The following MARCHF11 variants were observed in gnomAD, a reference collection of about 807,000 sequenced individuals.
The protein encoded by MARCHF11 is membrane associated ring-CH-type finger 11, also known as E3 ubiquitin-protein ligase MARCHF11.
In MARCHF11, 29 loss-of-function variants were observed where a neutral mutation model predicts 37.3. That is an observed-to-expected ratio of 0.78 (90% CI 0.58 to 1.06). The LOEUF is 1.06. MARCHF11 is among the 50% of genes least tolerant of loss of function. The probability of loss-of-function intolerance (pLI) is 0.00; values close to 1 mark genes in which losing one functional copy is unlikely to be tolerated. For missense variants in MARCHF11, 482 were observed against 533.4 expected (o/e 0.90, Z 0.95); for synonymous variants, 233 against 228.0 (o/e 1.02, Z -0.20).
chr5:16,095,238 C>T (rs543885307), intron 2 of MARCHF11, among the ~76,000 whole-genome samples: 1 of 152,282 alleles, frequency 6.6e-6, no homozygotes, highest in South Asian at 2.1e-4. Context: ...GTGAGTCATT[C>T]CCTGCTCCTC....
intron 2 of MARCHF11, among the ~76,000 whole-genome samples, chr5:16,112,709 G>T (rs1737167338): frequency 6.6e-6 from 1 of 152,150 alleles, no homozygotes; most frequent in African/African-American, 2.4e-5. Context: ...CATGAGATTT[G>T]GGAGTGGGCA....
At chr5:16,069,908 T>C (rs553990662) in intron 3 of MARCHF11, among the ~76,000 whole-genome samples, 1 of 152,296 alleles carries the variant, frequency 6.6e-6, no homozygotes, top group African/African-American at 2.4e-5. Flanking sequence ...AAGTTTTGCA[T>C]TGGTCCCTTA....
At position 16,173,970 on chromosome 5, in the gene MARCHF11, T is replaced by C. The variant is rs143986935; in HGVS notation, c.693+3756A>G. On this transcript the variant is annotated intron_variant, in intron 2 of 3. Coordinates refer to ENST00000332432, the MANE Select transcript of MARCHF11 (RefSeq NM_001102562.3). ...TAACAGATATTACCTTCCATTTACATAGCTTTTTCTTTGTTTAGGCAGTAC... is the reference window on the plus strand; with the variant it reads ...TAACAGATATTACCTTCCATTTACACAGCTTTTTCTTTGTTTAGGCAGTAC... Among the ~76,000 whole-genome samples the C allele has an allele frequency of 3.3e-3, 508 of 152,346 alleles. 3 individuals are homozygous for C. The highest frequency in any genetic ancestry group is 0.011 in the African/African-American group (475 of 41,576).
chr5:16,121,798 T>A (rs1737312998), intron 2 of MARCHF11, among the ~76,000 whole-genome samples: 1 of 152,220 alleles, frequency 6.6e-6, no homozygotes, highest in African/African-American at 2.4e-5. Flanking sequence ...TTACCTCTCC[T>A]GAAGCAGGCA....
chr5:16,173,102 G>A (rs1738297822), intron 2 of MARCHF11, among the ~76,000 whole-genome samples: 1 of 152,164 alleles, frequency 6.6e-6, no homozygotes, highest in African/African-American at 2.4e-5. Context: ...AATAACAAAG[G>A]CCAAAGCCTA....
intron 2 of MARCHF11, among the ~76,000 whole-genome samples, chr5:16,174,624 T>C (rs898452379): frequency 1.3e-5 from 2 of 152,226 alleles, no homozygotes; most frequent in Non-Finnish European, 2.9e-5. Flanking sequence ...CGGTAATACT[T>C]GCTTGTGAAA....
intron 2 of MARCHF11, among the ~76,000 whole-genome samples, chr5:16,118,929 A>C (rs1436885235): frequency 6.6e-6 from 1 of 152,152 alleles, no homozygotes; most frequent in Non-Finnish European, 1.5e-5. Context: ...GGAGACTATA[A>C]CAGTGGCTGG....
intron 2 of MARCHF11, among the ~76,000 whole-genome samples, chr5:16,149,364 A>G (rs1398615340): frequency 6.6e-6 from 1 of 152,162 alleles, no homozygotes; most frequent in African/African-American, 2.4e-5. Flanking sequence ...TGGTATGGTT[A>G]GAATGAAAAA....
intron 2 of MARCHF11, among the ~76,000 whole-genome samples, chr5:16,159,975 TA>T (rs1738043385): frequency 6.6e-6 from 1 of 151,946 alleles, no homozygotes; most frequent in Admixed American, 6.6e-5. Context: ...TAATTCTCTT[TA>T]AAAATGTTGC....
intron 3 of MARCHF11, among the ~76,000 whole-genome samples, chr5:16,087,951 T>G (rs1295127801): frequency 3.3e-5 from 5 of 152,234 alleles, no homozygotes; most frequent in Admixed American, 3.3e-4. Flanking sequence ...TCAGAATTAT[T>G]TTTTCAAATA....
At chr5:16,158,507 C>T (rs1027144901) in intron 2 of MARCHF11, among the ~76,000 whole-genome samples, 2 of 151,808 alleles carry the variant, frequency 1.3e-5, no homozygotes, top group Non-Finnish European at 2.9e-5. Flanking sequence ...AAGACAAATG[C>T]CACATGATCT....
intron 3 of MARCHF11, among the ~76,000 whole-genome samples, chr5:16,082,517 G>A (rs1579676894): frequency 6.6e-6 from 1 of 152,164 alleles, no homozygotes; most frequent in East Asian, 1.9e-4. Context: ...AGGGGTTTGG[G>A]CAAGAGGAGA....
chr5:16,102,340 G>T (rs937689183), intron 2 of MARCHF11, among the ~76,000 whole-genome samples: 3 of 152,174 alleles, frequency 2.0e-5, no homozygotes, highest in African/African-American at 7.2e-5. Context: ...GTAGAAGAGG[G>T]TGGGGTCCCT....
At chr5:16,068,809 C>T (rs1474906655) in intron 3 of MARCHF11, among the ~76,000 whole-genome samples, 4 of 152,204 alleles carry the variant, frequency 2.6e-5, no homozygotes, top group Non-Finnish European at 5.9e-5. Flanking sequence ...TGAGGAAGAG[C>T]TCTTCTCTTT....
chr5:16,154,787 C>T (rs796178144), intron 2 of MARCHF11, among the ~76,000 whole-genome samples: 6 of 151,970 alleles, frequency 3.9e-5, no homozygotes, highest in African/African-American at 1.4e-4. Flanking sequence ...TTTAAAATAA[C>T]AACATATCAT....
chr5:16,129,940 G>A (rs1344495059), intron 2 of MARCHF11, among the ~76,000 whole-genome samples: 1 of 152,062 alleles, frequency 6.6e-6, no homozygotes, highest in African/African-American at 2.4e-5. Context: ...TTAAAACGAG[G>A]AAGGAGTCAA....
At chr5:16,103,601 C>T (rs1302488696) in intron 2 of MARCHF11, among the ~76,000 whole-genome samples, 2 of 152,200 alleles carry the variant, frequency 1.3e-5, no homozygotes, top group Non-Finnish European at 2.9e-5. Flanking sequence ...TGTCCATGTT[C>T]TCTTTTGCCA....
At chr5:16,148,240 G>A (rs1737837043) in intron 2 of MARCHF11, among the ~76,000 whole-genome samples, 1 of 151,856 alleles carries the variant, frequency 6.6e-6, no homozygotes, top group African/African-American at 2.4e-5. Flanking sequence ...AAAACCAGCT[G>A]GTAGGATTAA....
chr5:16,115,639 T>C (rs1282284178), intron 2 of MARCHF11, among the ~76,000 whole-genome samples: 1 of 152,048 alleles, frequency 6.6e-6, no homozygotes, highest in African/African-American at 2.4e-5. Context: ...GCTTTTTTTT[T>C]TTTTTGAGAT....
Sources: gnomAD v4.1 joint callset for allele counts (sites outside exome capture counted in the v4.1 genomes callset) on GRCh38, gnomAD v4.1.1 for gene constraint, MANE v1.5 for transcripts, NCBI Gene and HGNC (gene_info 2026-07-23, HGNC 2026-07-21) for gene names.